Variants in EYS observed in about 807,000 individuals in gnomAD.
The protein encoded by EYS is EGF-like photoreceptor maintenance factor.
A neutral mutation model predicts 282.1 loss-of-function variants in EYS; 250 were observed. That is an observed-to-expected ratio of 0.89 (90% CI 0.80 to 0.98). The LOEUF (loss-of-function observed/expected upper bound fraction) is 0.98. EYS is among the 50% of genes least tolerant of loss of function. The pLI is 0.00. For synonymous variants in EYS, 1,355 were observed against 1,282.9 expected, an observed-to-expected ratio of 1.06 and a Z score of -1.20; for missense variants, 4,016 against 3,709.0, an observed-to-expected ratio of 1.08 and a Z score of -2.15.
intron 35 of EYS, among the ~76,000 whole-genome samples, chr6:63,962,774 A>C (rs1766130009): frequency 6.6e-6 from 1 of 152,194 alleles, no homozygotes; most frequent in Admixed American, 6.5e-5. Flanking sequence ...TACCCAAAGG[A>C]TTATAAAACA....
At chr6:64,274,481 G>GT (rs10640761) in intron 30 of EYS, among the ~76,000 whole-genome samples, 1,986 of 92,182 alleles carry the variant, frequency 0.022, 60 homozygotes, top group Middle Eastern at 0.064. Flanking sequence ...ACGCCTGGCC[G>GT]TTTTTTTTTT....
rs551186091 is a variant in EYS, at chr6:64,344,832, A to T, written c.6079-37750T>A. On this transcript the variant is annotated intron_variant, in intron 29 of 42. Transcript: ENST00000503581. ...CTCAGCCCAAAATCTCTTTAAGCTG[A>T]TAAGCAACTTCAGCAAAATCTCAGC... Among the ~76,000 whole-genome samples, 121 of 152,292 alleles carry T rather than the reference A, an allele frequency of 7.9e-4. 4 individuals carry two copies. In the South Asian group the frequency reaches 0.025, roughly 31 times the overall value.
chr6:65,564,570 T>C (rs1769201046), intron 2 of EYS, among the ~76,000 whole-genome samples: 1 of 152,106 alleles, frequency 6.6e-6, no homozygotes, highest in Non-Finnish European at 1.5e-5. Context: ...TGGCTAGCCA[T>C]ATGCAGAAAA....
Position 64,081,917 on chromosome 6 carries a change from G to A in EYS, c.6510C>T (p.Asn2170=), listed in dbSNP as rs756110037. The A allele has an allele frequency of 6.0e-5, 93 of 1,542,252 alleles. No homozygotes were observed. Among genetic ancestry groups the A allele is most frequent in the Non-Finnish European group, 4.7e-5 (54 of 1,139,096 alleles). Reference sequence around the variant, plus strand: ...TAGTCAAGTAGATGGTAACAGTTCTGTTATGTTCCTTCTCCAGGACAAACT... The same window carrying A: ...TAGTCAAGTAGATGGTAACAGTTCTATTATGTTCCTTCTCCAGGACAAACT... ...FLKFVLEKEH[N]RTVTIYLTIK... The change falls in exon 32 of 43, where the codon AAC becomes AAT. Residue 2170 remains asparagine, a synonymous_variant. Transcript: ENST00000503581.
intron 29 of EYS, among the ~76,000 whole-genome samples, chr6:64,367,103 A>G (rs1772207755): frequency 6.6e-6 from 1 of 152,116 alleles, no homozygotes; most frequent in Admixed American, 6.6e-5. Context: ...GCCTCATAAT[A>G]AATACCAAAA....
chr6:64,453,861 G>A (rs187266287), intron 26 of EYS, among the ~76,000 whole-genome samples: 29 of 152,176 alleles, frequency 1.9e-4, no homozygotes, highest in African/African-American at 3.1e-4. Context: ...CTGTTGTGGC[G>A]TGGGGGGAGT....
At chr6:64,224,378 A>C (rs1216490348) in intron 31 of EYS, among the ~76,000 whole-genome samples, 2 of 151,944 alleles carry the variant, frequency 1.3e-5, no homozygotes, top group Non-Finnish European at 2.9e-5. Flanking sequence ...AATTCTGGTC[A>C]TTATGTCTTT....
chr6:64,056,678 G>T (rs1420612586), intron 33 of EYS, among the ~76,000 whole-genome samples: 1 of 152,132 alleles, frequency 6.6e-6, no homozygotes, highest in East Asian at 1.9e-4. Flanking sequence ...TTATTCCTTG[G>T]GTAGAGGGGA....
intron 22 of EYS, among the ~76,000 whole-genome samples, chr6:64,667,544 A>G (rs1769276426): frequency 6.6e-6 from 1 of 151,478 alleles, no homozygotes; most frequent in Non-Finnish European, 1.5e-5. Flanking sequence ...TATATATTTT[A>G]TGACTAACAT....
chr6:63,962,484 A>G (rs1766113204), intron 35 of EYS, among the ~76,000 whole-genome samples: 1 of 152,254 alleles, frequency 6.6e-6, no homozygotes, highest in Non-Finnish European at 1.5e-5. Flanking sequence ...GAAGAAATTT[A>G]TGCAGCCAAA....
intron 30 of EYS, among the ~76,000 whole-genome samples, chr6:64,267,623 A>C (rs367648035): frequency 6.8e-4 from 104 of 152,280 alleles, no homozygotes; most frequent in African/African-American, 2.5e-3. Context: ...TTGAAACAGA[A>C]GAAAACTTGA....
intron 31 of EYS, among the ~76,000 whole-genome samples, chr6:64,194,090 T>C (rs1160029962): frequency 1.3e-5 from 2 of 152,012 alleles, no homozygotes; most frequent in Non-Finnish European, 2.9e-5. Flanking sequence ...GCCAGGATAG[T>C]CTCGACCTTC....
rs147938681 is a variant in EYS, at chr6:63,805,412, T to C, written c.7411+778A>G. ...CTCCTTTAATTTAGAATGGTTTTCT[T>C]TGAGGGCAACAACCATTTCCATTTT... On this transcript the variant is annotated intron_variant, in intron 37 of 42. Transcript: ENST00000503581. Among the ~76,000 whole-genome samples, 927 of 152,346 alleles carry C rather than the reference T, an allele frequency of 6.1e-3. 8 individuals are homozygous for C. The highest frequency in any genetic ancestry group is 0.02 in the African/African-American group (852 of 41,578).
intron 30 of EYS, among the ~76,000 whole-genome samples, chr6:64,297,977 CAAAA>C (rs34562408): frequency 0.04 from 3,839 of 96,468 alleles, 190 homozygotes; most frequent in African/African-American, 0.14. Flanking sequence ...GATTCTGTCT[CAAAA>C]AAAAAAAAAA....
chr6:65,620,388 A>T (rs1208923556), intron 2 of EYS, among the ~76,000 whole-genome samples: 2 of 149,774 alleles, frequency 1.3e-5, no homozygotes, highest in Non-Finnish European at 3.0e-5. Context: ...TTTGTGTGGG[A>T]TCGGTGGTGA....
chr6:64,209,022 T>C (rs1765688786), intron 31 of EYS, among the ~76,000 whole-genome samples: 1 of 152,164 alleles, frequency 6.6e-6, no homozygotes, highest in African/African-American at 2.4e-5. Flanking sequence ...CATTTTACTA[T>C]ATATATTTTG....
At chr6:64,189,137 C>T (rs1469898777) in intron 31 of EYS, among the ~76,000 whole-genome samples, 1 of 98,262 alleles carries the variant, frequency 1.0e-5, no homozygotes, top group Non-Finnish European at 2.7e-5. Context: ...TTGAGAATAG[C>T]TGTCATCAGC....
intron 35 of EYS, among the ~76,000 whole-genome samples, chr6:63,979,627 C>T (rs1408304002): frequency 2.0e-5 from 3 of 151,870 alleles, no homozygotes; most frequent in Non-Finnish European, 2.9e-5. Context: ...AAACATATGG[C>T]TCAGAAAGGG....
chr6:64,936,010 T>C (rs1768893640), intron 15 of EYS, among the ~76,000 whole-genome samples: 1 of 151,552 alleles, frequency 6.6e-6, no homozygotes, highest in Non-Finnish European at 1.5e-5. Context: ...TACAGATCAA[T>C]ATGCCTTAGG....
Sources: allele counts gnomAD v4.1 joint callset (sites outside exome capture counted in the v4.1 genomes callset), GRCh38; gene constraint gnomAD v4.1.1; transcripts MANE v1.5; gene names NCBI Gene and HGNC (gene_info 2026-07-23, HGNC 2026-07-21).